Variants in KBTBD3 observed in about 807,000 individuals in gnomAD.
KBTBD3 encodes the protein kelch repeat and BTB domain containing 3, also known as kelch repeat and BTB domain-containing protein 3.
A neutral mutation model predicts 49.6 loss-of-function variants in KBTBD3; 38 were observed. That is an observed-to-expected ratio of 0.77 (90% CI 0.59 to 1.00). The LOEUF (loss-of-function observed/expected upper bound fraction) is 1.00, where lower values mean the gene tolerates loss of function less well. Ranked by LOEUF, KBTBD3 falls within the 50% of genes least tolerant of loss-of-function variation. The pLI, the probability that KBTBD3 is intolerant of heterozygous loss-of-function variation, is 0.00. For synonymous variants in KBTBD3, 214 were observed against 250.4 expected (o/e 0.85, Z 1.37); for missense variants, 661 against 712.0 (o/e 0.93, Z 0.81).
chr11:106,055,912 T>C (rs1488988487), intron 3 of KBTBD3, among the ~76,000 whole-genome samples: 2 of 152,350 alleles, frequency 1.3e-5, no homozygotes, highest in East Asian at 3.9e-4. Context: ...TGTAAGATTA[T>C]ATTTCTATAT....
rs1375718068 is a variant in KBTBD3 at position 106,058,753 on chromosome 11, T to TTTA, written c.233+111_233+112insTAA. On this transcript the variant is annotated intron_variant, in intron 3 of 3. Coordinates refer to ENST00000531837, the MANE Select transcript of KBTBD3 (RefSeq NM_198439.3). ...TAGGTTTTGTTTTTGTTTTTTTTTT[T>TTTA]AGAATTAAAAATTACTGTTGCATGT... is the stretch of plus-strand genomic sequence containing the variant. 3 of 699,182 alleles carry TTTA rather than the reference T, an allele frequency of 4.3e-6. No homozygotes were observed. The African/African-American group carries it at 5.8e-5, about 14-fold the overall frequency. 43.3% of individuals were successfully genotyped at this position (699,182 alleles called of 1,614,324 possible).
At chr11:106,073,963 G>C (rs571350515) in intron 2 of KBTBD3, among the ~76,000 whole-genome samples, 1 of 152,250 alleles carries the variant, frequency 6.6e-6, no homozygotes, top group African/African-American at 2.4e-5. Context: ...AAGAGAAGTA[G>C]GGTCCAAGTC....
At position 106,051,513 on chromosome 11, in the gene KBTBD3, T is replaced by G. The variant is rs776137723; in HGVS notation, c.*1337A>C. ...ACACACTTTTAAAGAATGTGCACAT[T>G]TGAGAAAGATTAACATTTACAACTG... On this transcript the variant is annotated 3_prime_UTR_variant, in exon 4 of 4. Transcript: ENST00000531837. The G allele has an allele frequency of 6.6e-6, 1 of 151,906 alleles. No homozygotes were observed. The highest frequency in any genetic ancestry group is 2.4e-5 in the African/African-American group (1 of 41,422). 9.4% of individuals were successfully genotyped at this position (151,906 alleles called of 1,614,324 possible). A position where few individuals can be genotyped will look rare whatever the true frequency, so the allele number is the denominator to read the frequency against.
In KBTBD3 at chr11:106,054,253, T is replaced by C. The variant is rs1387595207; in HGVS notation, c.436A>G (p.Ile146Val). Residue 146 changes from isoleucine to valine, a missense_variant, in exon 4 of 4, where the codon ATA becomes GTA. Transcript: ENST00000531837. ...CAATTGACAAGATTAATACTTTTTA[T>C]TAAAAAGTCACTGCAAGCTTTGGAT... ...FLSKACSDFL[I>V]KSINLVNCLQ... 6.2e-7 allele frequency: 1 copy of C among 1,610,940 alleles called. No homozygotes were observed. Among genetic ancestry groups the C allele is most frequent in the South Asian group, 1.1e-5 (1 of 90,704 alleles).
rs777486842 is a variant in KBTBD3, at chr11:106,059,066, A to C, written c.32T>G (p.Phe11Cys). MELAMDNSYA[F>C]NQRSTCNGIP... ...TCCATTACATGTGCTTCGTTGATTGAAAGCATATGAATTATCCATAGCCAA... is the reference window on the plus strand; with the variant it reads ...TCCATTACATGTGCTTCGTTGATTGCAAGCATATGAATTATCCATAGCCAA... Residue 11 changes from phenylalanine to cysteine, a missense_variant, in exon 3 of 4, where the codon TTC becomes TGC. Transcript: ENST00000531837. 8 of 1,553,522 alleles carry C rather than the reference A, an allele frequency of 5.1e-6. No individual in the cohort carries two copies. In the South Asian group the frequency reaches 8.8e-5, roughly 17 times the overall value.
At chr11:106,075,940 C>T (rs1861019869) in intron 2 of KBTBD3, 1 of 152,154 alleles carries the variant, frequency 6.6e-6, no homozygotes, top group Admixed American at 6.5e-5. Context: ...GATATGAATT[C>T]CTGAATTTAA....
Position 106,052,902 on chromosome 11 carries a change from A to G in KBTBD3, c.1787T>C (p.Val596Ala). ...PRALTEFYCQ[V>A]IQFNKYRDPW... ...GTCTCTGTATTTATTAAACTGAATC[A>G]CCTGGCAGTAAAATTCTGTTAAGGC... is the stretch of plus-strand genomic sequence containing the variant. Residue 596 changes from valine to alanine, a missense_variant, in exon 4 of 4, where the codon GTG becomes GCG. Coordinates refer to ENST00000531837, the MANE Select transcript of KBTBD3 (RefSeq NM_198439.3). The G allele has an allele frequency of 1.2e-6, 2 of 1,613,548 alleles. No individual in the cohort carries two copies. The highest frequency in any genetic ancestry group is 2.2e-5 in the South Asian group (2 of 91,058).
chr11:106,075,771 G>C (rs1180910279), intron 2 of KBTBD3, among the ~76,000 whole-genome samples: 2 of 152,110 alleles, frequency 1.3e-5, no homozygotes, highest in Non-Finnish European at 2.9e-5. Context: ...TATGAGATTT[G>C]GGCCTGAATG....
At chr11:106,059,393 C>G (rs1262163886) in intron 2 of KBTBD3, among the ~76,000 whole-genome samples, 1 of 152,036 alleles carries the variant, frequency 6.6e-6, no homozygotes, top group East Asian at 1.9e-4. Flanking sequence ...GTATAAATAG[C>G]TTATATAGGA....
chr11:106,068,261 T>C (rs1860849646), intron 2 of KBTBD3, among the ~76,000 whole-genome samples: 1 of 152,156 alleles, frequency 6.6e-6, no homozygotes, highest in Non-Finnish European at 1.5e-5. Flanking sequence ...TCAACATTTA[T>C]AGAAAACTCC....
chr11:106,063,876 A>C (rs560389523), intron 2 of KBTBD3, among the ~76,000 whole-genome samples: 1 of 152,136 alleles, frequency 6.6e-6, no homozygotes, highest in African/African-American at 2.4e-5. Flanking sequence ...GGTTGCAGTA[A>C]GCCGAGATCC....
intron 2 of KBTBD3, among the ~76,000 whole-genome samples, chr11:106,067,968 G>A (rs760170269): frequency 2.7e-5 from 4 of 150,852 alleles, no homozygotes; most frequent in Non-Finnish European, 5.9e-5. Flanking sequence ...AATAAAGCAG[G>A]CATGGCAATA....
At chr11:106,074,507 C>T (rs1413018876) in intron 2 of KBTBD3, among the ~76,000 whole-genome samples, 4 of 152,164 alleles carry the variant, frequency 2.6e-5, no homozygotes, top group African/African-American at 9.7e-5. Flanking sequence ...TTGAAACACT[C>T]GTCTTTTAGT....
Position 106,054,075 on chromosome 11 carries a change from T to C in KBTBD3, c.614A>G (p.Asp205Gly). 6.2e-7 allele frequency: 1 copy of C among 1,613,620 alleles called. No individual in the cohort carries two copies. Among genetic ancestry groups the C allele is most frequent in the East Asian group, 2.2e-5 (1 of 44,862 alleles). Residue 205 changes from aspartate to glycine, a missense_variant, in exon 4 of 4, where the codon GAT (aspartate) becomes GGT (glycine). Transcript: ENST00000531837. ...TTCTTCTTCAGGAACATTTAATTCA[T>C]CTGATTCCAGACATTTCTGTAGTAC... ...FGVLQKCLES[D>G]ELNVPEEEMV...
At chr11:106,065,314 T>C (rs1466015686) in intron 2 of KBTBD3, among the ~76,000 whole-genome samples, 1 of 152,192 alleles carries the variant, frequency 6.6e-6, no homozygotes, top group Non-Finnish European at 1.5e-5. Flanking sequence ...CCTGTTTTTG[T>C]TCTATACATG....
At chr11:106,059,689 G>A (rs953648153) in intron 2 of KBTBD3, among the ~76,000 whole-genome samples, 14 of 152,158 alleles carry the variant, frequency 9.2e-5, no homozygotes, top group African/African-American at 3.1e-4. Flanking sequence ...TTTAAAAGTA[G>A]AAAGGAAAAT....
chr11:106,059,259 C>T (rs560552931), intron 2 of KBTBD3, 150 bp from the exon 3 acceptor site: 3 of 548,696 alleles, frequency 5.5e-6, no homozygotes, highest in East Asian at 3.5e-5. Context: ...GTTTTCCTGA[C>T]ATTTAATATT....
intron 2 of KBTBD3, among the ~76,000 whole-genome samples, chr11:106,068,893 C>A (rs1316125714): frequency 1.3e-5 from 2 of 152,042 alleles, no homozygotes. Context: ...AAGGCTGTTT[C>A]AATATTTGAA....
At chr11:106,060,298 A>C (rs1320957532) in intron 2 of KBTBD3, among the ~76,000 whole-genome samples, 1 of 152,036 alleles carries the variant, frequency 6.6e-6, no homozygotes, top group African/African-American at 2.4e-5. Context: ...ACTATATATA[A>C]CTACAAAAAT....
Sources: gnomAD v4.1 joint callset for allele counts (sites outside exome capture counted in the v4.1 genomes callset) on GRCh38, gnomAD v4.1.1 for gene constraint, MANE v1.5 for transcripts, NCBI Gene and HGNC (gene_info 2026-07-23, HGNC 2026-07-21) for gene names.